The following KCTD1 variants were observed in gnomAD, a reference collection of about 807,000 sequenced individuals.
KCTD1 encodes the protein potassium channel tetramerization domain containing 1, also known as BTB/POZ domain-containing protein KCTD1.
Under a neutral mutation model 66.0 loss-of-function variants are expected in KCTD1, and 24 were observed. The ratio of observed to expected loss-of-function variants is 0.36; its 90% CI spans 0.26 to 0.51. The LOEUF is 0.51. Among genes scored for constraint, KCTD1 ranks in the 20% least tolerant of loss-of-function variants. The pLI is 0.95. For synonymous variants in KCTD1, 511 were observed against 517.2 expected, an observed-to-expected ratio of 0.99 and a Z score of 0.16; for missense variants, 943 against 1,205.2, an observed-to-expected ratio of 0.78 and a Z score of 3.22.
intron 1 of KCTD1, among the ~76,000 whole-genome samples, chr18:26,536,436 T>TAA (rs1161197859): frequency 6.6e-6 from 1 of 152,240 alleles, no homozygotes; most frequent in South Asian, 2.1e-4. Flanking sequence ...AGAAAAGGCT[T>TAA]AAATTTTTTG....
chr18:26,532,261 C>CTTTCTTTTTTTTTTT (rs1394278500), intron 1 of KCTD1, among the ~76,000 whole-genome samples: 2 of 29,556 alleles, frequency 6.8e-5, no homozygotes, highest in African/African-American at 1.3e-4. Context: ...TTCTTTCCTT[C>CTTTCTTTTTTTTTTT]TTTTTTTTTT....
At chr18:26,584,536 G>T (rs1369492619) in intron 1 of KCTD1, among the ~76,000 whole-genome samples, 2 of 152,100 alleles carry the variant, frequency 1.3e-5, no homozygotes, top group African/African-American at 4.8e-5. Context: ...AGATCTTTCA[G>T]TCATTCATTC....
chr18:26,626,236 C>T (rs544268471), intron 1 of KCTD1, among the ~76,000 whole-genome samples: 41 of 152,096 alleles, frequency 2.7e-4, no homozygotes, highest in Non-Finnish European at 4.6e-4. Context: ...TCAAGAGCAT[C>T]CAAACAGCTT....
chr18:26,561,487 GTC>G lies in KCTD1; in HGVS notation c.-15-60239_-15-60238del, dbSNP rs532904998. ...TGCCTATTGTAGATATATGTTCTGG[GTC>G]TCTCTGCTTGCATGTCAAGCAGATC... On this transcript the variant is annotated intron_variant, in intron 1 of 4. Coordinates refer to the KCTD1 transcript ENST00000317932. 6.1e-3 allele frequency among the ~76,000 whole-genome samples: 928 copies of G among 152,208 alleles called. 5 individuals are homozygous for G. The highest frequency in any genetic ancestry group is 9.5e-3 in the Non-Finnish European group (644 of 68,020).
intron 1 of KCTD1, among the ~76,000 whole-genome samples, chr18:26,589,105 T>A (rs561582985): frequency 2.8e-4 from 43 of 152,168 alleles, no homozygotes; most frequent in Non-Finnish European, 5.3e-4. Context: ...GATACCTGCA[T>A]GAGGCGACCT....
intron 1 of KCTD1, among the ~76,000 whole-genome samples, chr18:26,538,861 T>C (rs1007301046): frequency 2.6e-5 from 4 of 152,104 alleles, no homozygotes; most frequent in African/African-American, 7.2e-5. Context: ...CTATGTGATA[T>C]AGTTTCTCAA....
chr18:26,552,364 T>C (rs12956945), upstream of KCTD1, among the ~76,000 whole-genome samples: 64,209 of 152,088 alleles, frequency 0.42, 14,110 homozygotes, highest in Non-Finnish European at 0.5. Context: ...GTTTCCTCTC[T>C]ACTAAAGCAA....
chr18:26,516,211 G>A (rs1334960187), intron 1 of KCTD1, among the ~76,000 whole-genome samples: 1 of 152,110 alleles, frequency 6.6e-6, no homozygotes, highest in East Asian at 1.9e-4. Flanking sequence ...AGACAGGGGT[G>A]TGTGTTGGGA....
intron 1 of KCTD1, among the ~76,000 whole-genome samples, chr18:26,506,582 G>A (rs1320195747): frequency 2.0e-5 from 3 of 152,166 alleles, no homozygotes; most frequent in African/African-American, 4.8e-5. Context: ...GGGATAATGC[G>A]GGAGACAGAA....
At chr18:26,604,349 G>A (rs577096976) in intron 1 of KCTD1, among the ~76,000 whole-genome samples, 3 of 152,184 alleles carry the variant, frequency 2.0e-5, no homozygotes, top group Non-Finnish European at 4.4e-5. Context: ...AAAGCAGTAT[G>A]GCAACTTCTC....
At chr18:26,544,332 A>G (rs1985112166) in intron 1 of KCTD1, 1 of 152,222 alleles carries the variant, frequency 6.6e-6, no homozygotes, top group Non-Finnish European at 1.5e-5. Context: ...TAAATAATAT[A>G]CTTAACAACA....
intron 1 of KCTD1, among the ~76,000 whole-genome samples, chr18:26,559,541 C>T (rs770897414): frequency 2.6e-5 from 4 of 152,120 alleles, no homozygotes; most frequent in African/African-American, 2.4e-5. Context: ...GTGAGAACCA[C>T]GGGCCTAGAA....
intron 2 of KCTD1, among the ~76,000 whole-genome samples, chr18:26,496,250 T>A (rs185036639): frequency 6.6e-6 from 1 of 152,348 alleles, no homozygotes; most frequent in East Asian, 1.9e-4. Context: ...TACTTCTAGA[T>A]ATTTACAAGC....
At chr18:26,591,837 C>T (rs72887366) in intron 1 of KCTD1, among the ~76,000 whole-genome samples, 2 of 152,282 alleles carry the variant, frequency 1.3e-5, no homozygotes, top group Non-Finnish European at 2.9e-5. Context: ...AACAAACCAG[C>T]CATGATTTGG....
chr18:26,521,158 G>A lies in KCTD1; in HGVS notation c.1810-19908C>T, dbSNP rs117080447. On this transcript the variant is annotated intron_variant, in intron 1 of 4. Coordinates refer to ENST00000580059, the MANE Select transcript of KCTD1 (RefSeq NM_001142730.3). ...ACCTCAGGGCCCTGAAGGGTGGAGC[G>A]CTGGCCTGGATCATCACAGAGGGGC... 1.1e-3 allele frequency among the ~76,000 whole-genome samples: 164 copies of A among 152,318 alleles called. 1 individual carries two copies. The East Asian group carries it at 0.029, about 27-fold the overall frequency.
intron 1 of KCTD1, among the ~76,000 whole-genome samples, chr18:26,567,904 A>G (rs1271463858): frequency 1.3e-5 from 2 of 152,246 alleles, no homozygotes; most frequent in African/African-American, 2.4e-5. Context: ...CTCTTACTGC[A>G]TCAGAAGGAG....
rs1196206353 is a variant in KCTD1 at position 26,546,767 on chromosome 18, A to G, written c.1770T>C (p.Ser590=). 2 of 1,549,934 alleles carry G rather than the reference A, an allele frequency of 1.3e-6. No individual in the cohort carries two copies. The highest frequency in any genetic ancestry group is 2.4e-5 in the East Asian group (1 of 40,888). The change falls in exon 1 of 5, where the codon TCT becomes TCC. Residue 590 remains serine (S), a synonymous_variant. Transcript: ENST00000580059. ...CAATAGCAGGTGAAACTATTGTGGG[A>G]GAATTGGTGCTTCTGTGCCCATTGG... ...PEANGHRSTN[S]PTIVSPAIVS... is the part of the protein sequence containing the mutation.
chr18:26,607,880 G>A (rs1987052546), intron 1 of KCTD1, among the ~76,000 whole-genome samples: 1 of 152,140 alleles, frequency 6.6e-6, no homozygotes, highest in East Asian at 1.9e-4. Context: ...TGATCCCCCT[G>A]CCTTAGCCTC....
chr18:26,522,564 G>A (rs1983964540), intron 1 of KCTD1, among the ~76,000 whole-genome samples: 1 of 152,010 alleles, frequency 6.6e-6, no homozygotes, highest in Non-Finnish European at 1.5e-5. Flanking sequence ...ATATAATCTG[G>A]TACACGTGTT....
Sources: allele counts gnomAD v4.1 joint callset (sites outside exome capture counted in the v4.1 genomes callset), GRCh38; gene constraint gnomAD v4.1.1; transcripts MANE v1.5; gene names NCBI Gene and HGNC (gene_info 2026-07-23, HGNC 2026-07-21).